Variants in PTPRE observed in about 807,000 individuals in gnomAD.
PTPRE encodes receptor-type tyrosine-protein phosphatase epsilon.
A neutral mutation model predicts 102.0 loss-of-function variants in PTPRE; 51 were observed. The observed-to-expected ratio is 0.50, with a 90% CI of 0.40 to 0.63. The LOEUF is 0.63. Among genes scored for constraint, PTPRE ranks in the 30% least tolerant of loss-of-function variants. The pLI, the probability that PTPRE is intolerant of heterozygous loss-of-function variation, is 0.00. For synonymous variants in PTPRE, 345 were observed against 348.2 expected (o/e 0.99, Z 0.10); for missense variants, 752 against 915.1 (o/e 0.82, Z 2.30).
At chr10:127,954,223 G>A (rs955778553) in intron 1 of PTPRE, among the ~76,000 whole-genome samples, 3 of 152,172 alleles carry the variant, frequency 2.0e-5, no homozygotes, top group Non-Finnish European at 4.4e-5. Context: ...CAACAACATG[G>A]ACTTCTACTT....
chr10:128,005,406 A>T (rs954158000), intron 2 of PTPRE, among the ~76,000 whole-genome samples: 3 of 152,156 alleles, frequency 2.0e-5, no homozygotes, highest in Admixed American at 2.0e-4. Flanking sequence ...TACCTTTTTC[A>T]CAAAGAGAGA....
In PTPRE at chr10:127,970,657, T is replaced by C. The variant is rs182179133; in HGVS notation, c.-30-11617T>C. ...AACCTCCTACAAAACTCCTGTTTTATTATATCAAACTCTGAAAACTGACAG... is the reference window on the plus strand; with the variant it reads ...AACCTCCTACAAAACTCCTGTTTTACTATATCAAACTCTGAAAACTGACAG... On this transcript the variant is annotated intron_variant, in intron 1 of 20. Coordinates refer to ENST00000254667, the MANE Select transcript of PTPRE (RefSeq NM_006504.6). Among the ~76,000 whole-genome samples the C allele has an allele frequency of 2.6e-3, 392 of 152,022 alleles. 2 individuals carry two copies. Among genetic ancestry groups the C allele is most frequent in the African/African-American group, 9.2e-3 (380 of 41,474 alleles).
chr10:128,078,211 A>G (rs964502706), intron 19 of PTPRE, among the ~76,000 whole-genome samples: 3 of 152,160 alleles, frequency 2.0e-5, no homozygotes, highest in Non-Finnish European at 4.4e-5. Context: ...TCCTGGCCAT[A>G]TGAGGAGTCC....
intron 1 of PTPRE, among the ~76,000 whole-genome samples, chr10:127,952,911 G>A (rs1170051829): frequency 6.6e-6 from 1 of 152,170 alleles, no homozygotes; most frequent in Non-Finnish European, 1.5e-5. Flanking sequence ...CAGAGAATGG[G>A]AAATAAATTG....
intron 1 of PTPRE, among the ~76,000 whole-genome samples, chr10:127,939,508 G>A (rs1235351574): frequency 2.0e-5 from 3 of 152,264 alleles, no homozygotes; most frequent in African/African-American, 7.2e-5. Context: ...AGCAATTTGG[G>A]CACAAATCTG....
chr10:127,990,577 T>C (rs1852544405), intron 2 of PTPRE, among the ~76,000 whole-genome samples: 1 of 152,154 alleles, frequency 6.6e-6, no homozygotes, highest in Non-Finnish European at 1.5e-5. Context: ...TCTAGGGTGG[T>C]GCTGGTCTGG....
chr10:127,943,785 C>A lies in PTPRE; in HGVS notation c.-31+36476C>A, dbSNP rs764013752. Among the ~76,000 whole-genome samples the A allele has an allele frequency of 2.0e-5, 3 of 152,334 alleles. No homozygotes were observed. The South Asian group carries it at 6.2e-4, about 32-fold the overall frequency. ...CTCTCTTAATTCCAGACCTTCCCAG[C>A]CTCACATTTGCTAGTCTCAGAACAG... On this transcript the variant is annotated intron_variant, in intron 1 of 20. Coordinates refer to ENST00000254667, the MANE Select transcript of PTPRE (RefSeq NM_006504.6).
intron 1 of PTPRE, among the ~76,000 whole-genome samples, chr10:127,956,291 C>T (rs1282054544): frequency 6.6e-6 from 1 of 152,062 alleles, no homozygotes; most frequent in Non-Finnish European, 1.5e-5. Context: ...AGGAGATTAG[C>T]ATTTGAGTCC....
At chr10:128,033,675 C>T (rs549656928) in intron 2 of PTPRE, among the ~76,000 whole-genome samples, 4 of 152,312 alleles carry the variant, frequency 2.6e-5, no homozygotes, top group Middle Eastern at 3.4e-3. Flanking sequence ...GATGGAGTGT[C>T]GCTCTGTCAC....
At chr10:127,954,057 AC>A (rs1357350152) in intron 1 of PTPRE, among the ~76,000 whole-genome samples, 1 of 152,230 alleles carries the variant, frequency 6.6e-6, no homozygotes, top group Non-Finnish European at 1.5e-5. Flanking sequence ...ATCAATGCCT[AC>A]CAAAGGGTGA....
intron 2 of PTPRE, among the ~76,000 whole-genome samples, chr10:128,015,502 G>A (rs1323522307): frequency 1.3e-5 from 2 of 152,086 alleles, no homozygotes; most frequent in East Asian, 3.9e-4. Flanking sequence ...GAGTAGCTGG[G>A]ACTACAGGCA....
chr10:127,964,891 G>A (rs566475186), intron 1 of PTPRE: 12 of 408,732 alleles, frequency 2.9e-5, no homozygotes, highest in East Asian at 7.5e-5. Context: ...TCCTGGTGTC[G>A]GCGTTCTGCT....
At chr10:128,051,736 C>A (rs1848581154) in intron 6 of PTPRE, among the ~76,000 whole-genome samples, 1 of 152,248 alleles carries the variant, frequency 6.6e-6, no homozygotes, top group African/African-American at 2.4e-5. Context: ...ACATTGGAGT[C>A]CTTGTGCTCA....
At position 128,017,924 on chromosome 10, in the gene PTPRE, A is replaced by G. The variant is rs532953773; in HGVS notation, c.-7-22951A>G. Among the ~76,000 whole-genome samples, 3 of 152,268 alleles carry G rather than the reference A, an allele frequency of 2.0e-5. No individual in the cohort carries two copies. In the South Asian group the frequency reaches 6.2e-4, roughly 32 times the overall value. ...CTTCTCGGAGCTCCACTCGGACTCC[A>G]CTCGGGCATCCTGCATGCTTCGCAT... On this transcript the variant is annotated intron_variant, in intron 2 of 20. Coordinates refer to ENST00000254667, the MANE Select transcript of PTPRE (RefSeq NM_006504.6).
intron 1 of PTPRE, among the ~76,000 whole-genome samples, chr10:127,911,210 T>C (rs970981384): frequency 2.0e-5 from 3 of 152,256 alleles, no homozygotes; most frequent in African/African-American, 7.2e-5. Context: ...GCATGCCAGA[T>C]AATTTTTGCA....
At chr10:128,078,551 T>A (rs1258037607) in intron 19 of PTPRE, among the ~76,000 whole-genome samples, 1 of 152,154 alleles carries the variant, frequency 6.6e-6, no homozygotes, top group Non-Finnish European at 1.5e-5. Context: ...TTCCATGGCT[T>A]GTCTCACACT....
chr10:128,010,460 A>G (rs1295250431), intron 2 of PTPRE, among the ~76,000 whole-genome samples: 1 of 152,176 alleles, frequency 6.6e-6, no homozygotes, highest in Non-Finnish European at 1.5e-5. Context: ...TGCGGTTCCC[A>G]GCCCAGTGCT....
At chr10:127,999,587 C>T (rs1285340605) in intron 2 of PTPRE, 1 of 985,374 alleles carries the variant, frequency 1.0e-6, no homozygotes, top group Non-Finnish European at 1.2e-6. Flanking sequence ...GCAGGTTGCA[C>T]TGTTCTCAGC....
intron 7 of PTPRE, among the ~76,000 whole-genome samples, chr10:128,060,125 CA>C (rs1314211101): frequency 6.7e-6 from 1 of 149,624 alleles, no homozygotes; most frequent in Non-Finnish European, 1.5e-5. Context: ...ACCAAACCCA[CA>C]TGCACACATT....
Sources: gnomAD v4.1 joint callset for allele counts (sites outside exome capture counted in the v4.1 genomes callset) on GRCh38, gnomAD v4.1.1 for gene constraint, MANE v1.5 for transcripts, NCBI Gene and HGNC (gene_info 2026-07-23, HGNC 2026-07-21) for gene names.